SGCD: variants seen among roughly 807,000 people sequenced by gnomAD.
The protein encoded by SGCD is delta-sarcoglycan.
SGCD carries 18 observed loss-of-function variants against 36.6 expected under a neutral mutation model. The observed-to-expected ratio is 0.49, with a 90% confidence interval of 0.34 to 0.73. The LOEUF is 0.73. SGCD is among the 30% of genes least tolerant of loss of function. The pLI is 0.01. For missense variants in SGCD, 387 were observed against 346.7 expected (o/e 1.12, Z -0.92); for synonymous variants, 133 against 130.6 (o/e 1.02, Z -0.12).
At chr5:156,206,547 G>T (rs1341975441) in intron 3 of SGCD, among the ~76,000 whole-genome samples, 1 of 152,038 alleles carries the variant, frequency 6.6e-6, no homozygotes, top group East Asian at 1.9e-4. Flanking sequence ...AATGTGGCCA[G>T]TCTGATCAAT....
intron 4 of SGCD, among the ~76,000 whole-genome samples, chr5:156,524,370 T>A (rs945511556): frequency 1.3e-5 from 2 of 148,558 alleles, no homozygotes; most frequent in Non-Finnish European, 3.0e-5. Context: ...CTCTTTACCA[T>A]TCCTTACTTC....
At chr5:156,404,143 C>T (rs1304643465) in intron 3 of SGCD, among the ~76,000 whole-genome samples, 6 of 152,140 alleles carry the variant, frequency 3.9e-5, no homozygotes, top group Non-Finnish European at 7.4e-5. Flanking sequence ...CCTTCCTCAC[C>T]TCTCTTTCAC....
At chr5:156,364,742 A>G (rs1769998187) in intron 3 of SGCD, among the ~76,000 whole-genome samples, 2 of 152,212 alleles carry the variant, frequency 1.3e-5, no homozygotes, top group African/African-American at 2.4e-5. Context: ...CAGTGCTTCA[A>G]GAATAATGAG....
intron 2 of SGCD, among the ~76,000 whole-genome samples, chr5:156,340,133 A>C (rs904172634): frequency 6.6e-6 from 1 of 152,254 alleles, no homozygotes; most frequent in Non-Finnish European, 1.5e-5. Context: ...ATTCTCATAC[A>C]AAATAAAACA....
At chr5:156,627,446 T>G (rs1026133738) in intron 6 of SGCD, among the ~76,000 whole-genome samples, 1 of 152,210 alleles carries the variant, frequency 6.6e-6, no homozygotes, top group African/African-American at 2.4e-5. Flanking sequence ...TTTAATGGAA[T>G]CTTCTTATAA....
chr5:156,131,319 A>G (rs766387171), intron 3 of SGCD, among the ~76,000 whole-genome samples: 1 of 152,220 alleles, frequency 6.6e-6, no homozygotes, highest in Non-Finnish European at 1.5e-5. Context: ...ATGACCAATG[A>G]CAAGTCACTG....
At position 156,624,977 on chromosome 5, in the gene SGCD, T is replaced by C. The variant is rs530258163; in HGVS notation, c.503-22487T>C. ...ATTTGCCTCTGTCATTTGATTTGAT[T>C]CCTAAAACCATCCTTAAAGGTACTC... On this transcript the variant is annotated intron_variant, in intron 6 of 8. Transcript: ENST00000337851. Among the ~76,000 whole-genome samples the C allele has an allele frequency of 1.2e-4, 19 of 152,336 alleles. 1 individual carries two copies. Among genetic ancestry groups the C allele is most frequent in the African/African-American group, 4.1e-4 (17 of 41,564 alleles).
chr5:156,135,852 T>C (rs1198749310), intron 3 of SGCD, among the ~76,000 whole-genome samples: 2 of 152,212 alleles, frequency 1.3e-5, no homozygotes, highest in African/African-American at 2.4e-5. Flanking sequence ...CAATATATTT[T>C]AGATTCCTGA....
At chr5:156,585,113 A>T (rs1001787634) in intron 4 of SGCD, among the ~76,000 whole-genome samples, 10 of 152,234 alleles carry the variant, frequency 6.6e-5, no homozygotes. Context: ...CAGTGCAGAG[A>T]GTAGCTGAAT....
chr5:156,079,526 AT>A (rs1760892094), intron 1 of SGCD, among the ~76,000 whole-genome samples: 1 of 152,162 alleles, frequency 6.6e-6, no homozygotes, highest in Non-Finnish European at 1.5e-5. Flanking sequence ...CAAAACAAGT[AT>A]TTACTTCCAG....
intron 7 of SGCD, among the ~76,000 whole-genome samples, chr5:156,679,600 A>G (rs924179977): frequency 3.3e-5 from 5 of 152,216 alleles, no homozygotes; most frequent in African/African-American, 1.2e-4. Context: ...TTTTTCATTT[A>G]ATTTCCACCA....
intron 1 of SGCD, among the ~76,000 whole-genome samples, chr5:155,934,785 T>A (rs980856053): frequency 6.6e-6 from 1 of 152,190 alleles, no homozygotes; most frequent in East Asian, 1.9e-4. Flanking sequence ...TTTCCCCAAA[T>A]TTTTAGAATG....
intron 3 of SGCD, among the ~76,000 whole-genome samples, chr5:156,378,186 C>G (rs187865787): frequency 6.6e-6 from 1 of 152,258 alleles, no homozygotes; most frequent in East Asian, 1.9e-4. Context: ...AAATTCTGAC[C>G]TGTTTTGCAA....
intron 3 of SGCD, among the ~76,000 whole-genome samples, chr5:156,390,315 T>C (rs751173743): frequency 1.3e-5 from 2 of 152,188 alleles, no homozygotes; most frequent in Non-Finnish European, 2.9e-5. Flanking sequence ...GTACACATTA[T>C]TGCTCCTGAA....
At chr5:155,895,980 T>G (rs186933189) in intron 1 of SGCD, among the ~76,000 whole-genome samples, 1 of 152,386 alleles carries the variant, frequency 6.6e-6, no homozygotes, top group Non-Finnish European at 1.5e-5. Context: ...CGTAAGCACA[T>G]TCTCTGTCTT....
At chr5:155,976,231 C>G (rs940339186) in intron 1 of SGCD, among the ~76,000 whole-genome samples, 1 of 152,104 alleles carries the variant, frequency 6.6e-6, no homozygotes, top group South Asian at 2.1e-4. Flanking sequence ...ACCATTTTGT[C>G]TCTATAAAAA....
chr5:155,751,986 CCTT>C, the SGCD span, among the ~76,000 whole-genome samples: 1,405 of 152,180 alleles, frequency 9.2e-3, 19 homozygotes, highest in African/African-American at 0.032. Context: ...TGACCAGTGA[CCTT>C]CTGTACTGGG....
chr5:156,045,288 A>G (rs1211488842), intron 1 of SGCD, among the ~76,000 whole-genome samples: 1 of 152,164 alleles, frequency 6.6e-6, no homozygotes, highest in Non-Finnish European at 1.5e-5. Context: ...ATACATGCTC[A>G]CATACACATA....
At chr5:156,509,835 T>C (rs1756856922) in intron 4 of SGCD, among the ~76,000 whole-genome samples, 1 of 152,206 alleles carries the variant, frequency 6.6e-6, no homozygotes, top group Non-Finnish European at 1.5e-5. Context: ...TTGGTTTCAT[T>C]TATTTAGTCT....
Sources: gnomAD v4.1 joint callset for allele counts (sites outside exome capture counted in the v4.1 genomes callset) on GRCh38, gnomAD v4.1.1 for gene constraint, MANE v1.5 for transcripts, NCBI Gene and HGNC (gene_info 2026-07-23, HGNC 2026-07-21) for gene names.